SRGAP1: variants seen among roughly 807,000 people sequenced by gnomAD.
SRGAP1 encodes SLIT-ROBO Rho GTPase activating protein 1.
Under a neutral mutation model 121.9 loss-of-function variants are expected in SRGAP1, and 43 were observed. That is an observed-to-expected ratio of 0.35 (90% CI 0.28 to 0.46). The LOEUF (loss-of-function observed/expected upper bound fraction) is 0.46, where lower values mean the gene tolerates loss of function less well. Among genes scored for constraint, SRGAP1 ranks in the 20% least tolerant of loss-of-function variants. SRGAP1 has a pLI of 1.00. For synonymous variants in SRGAP1, 447 were observed against 485.4 expected (o/e 0.92, Z 1.04); for missense variants, 1,102 against 1,350.9 (o/e 0.82, Z 2.89).
intron 15 of SRGAP1, among the ~76,000 whole-genome samples, chr12:64,102,164 CTTTA>C (rs2036266668): frequency 6.6e-6 from 1 of 152,228 alleles, no homozygotes; most frequent in Non-Finnish European, 1.5e-5. Flanking sequence ...GTAGTCAATG[CTTTA>C]TTTATTAGGT....
At chr12:63,997,834 G>A (rs146758472) in intron 3 of SRGAP1, among the ~76,000 whole-genome samples, 7 of 152,210 alleles carry the variant, frequency 4.6e-5, no homozygotes, top group Non-Finnish European at 8.8e-5. Context: ...GGTTAAAATA[G>A]GAAGACATGA....
chr12:64,000,628 A>T (rs2033858852), intron 3 of SRGAP1, among the ~76,000 whole-genome samples: 2 of 152,080 alleles, frequency 1.3e-5, no homozygotes, highest in Admixed American at 6.6e-5. Context: ...ATCCAAAAAT[A>T]ATATGTTGAG....
At chr12:64,002,282 G>A (rs1317116898) in intron 3 of SRGAP1, among the ~76,000 whole-genome samples, 1 of 152,188 alleles carries the variant, frequency 6.6e-6, no homozygotes, top group African/African-American at 2.4e-5. Context: ...ACCAACAGAG[G>A]CCTACAACTA....
chr12:64,038,076 G>A (rs905719550), intron 4 of SRGAP1, among the ~76,000 whole-genome samples: 3 of 152,138 alleles, frequency 2.0e-5, no homozygotes, highest in Non-Finnish European at 2.9e-5. Flanking sequence ...TGTGCCAGCT[G>A]TGTGACCTTG....
rs115776249 is a variant in SRGAP1, at chr12:63,905,267, T to C, written c.67+60384T>C. 6.9e-3 allele frequency among the ~76,000 whole-genome samples: 1,052 copies of C among 152,308 alleles called. 6 individuals are homozygous for C. Among genetic ancestry groups the C allele is most frequent in the African/African-American group, 0.024 (995 of 41,570 alleles). ...TGTTCAGTTAAAAAACAAAATGTTA[T>C]GATCATTTATCAAAGTCTGCTTTGG... On this transcript the variant is annotated intron_variant, in intron 1 of 21. Transcript: ENST00000355086.
intron 16 of SRGAP1, among the ~76,000 whole-genome samples, chr12:64,110,286 C>T (rs1466387625): frequency 6.6e-6 from 1 of 152,172 alleles, no homozygotes; most frequent in Non-Finnish European, 1.5e-5. Flanking sequence ...CCACTGTGAA[C>T]TAATAATCCA....
intron 21 of SRGAP1, among the ~76,000 whole-genome samples, chr12:64,137,580 C>T (rs201691518): frequency 9.7e-4 from 147 of 152,172 alleles, no homozygotes; most frequent in Middle Eastern, 3.4e-3. Context: ...GGAGATTTTT[C>T]AAAAGACTAC....
chr12:64,016,391 G>A (rs902012995), intron 3 of SRGAP1, among the ~76,000 whole-genome samples: 1 of 152,136 alleles, frequency 6.6e-6, no homozygotes, highest in Non-Finnish European at 1.5e-5. Context: ...GGAGGCTGAG[G>A]TGGGAGGATT....
chr12:64,130,633 G>T (rs533880500), intron 21 of SRGAP1, among the ~76,000 whole-genome samples: 1 of 152,290 alleles, frequency 6.6e-6, no homozygotes, highest in East Asian at 1.9e-4. Context: ...CCACCATTCT[G>T]TCAATCCAGC....
At chr12:63,973,436 A>G (rs2033012629) in intron 1 of SRGAP1, among the ~76,000 whole-genome samples, 1 of 152,192 alleles carries the variant, frequency 6.6e-6, no homozygotes, top group Non-Finnish European at 1.5e-5. Context: ...CTTTGAACAA[A>G]ATACTTATGC....
At chr12:64,056,917 T>C (rs2035354672) in intron 6 of SRGAP1, among the ~76,000 whole-genome samples, 1 of 152,194 alleles carries the variant, frequency 6.6e-6, no homozygotes, top group Admixed American at 6.6e-5. Context: ...TAACTCTCCC[T>C]ATTCCTTTGA....
intron 1 of SRGAP1, among the ~76,000 whole-genome samples, chr12:63,866,664 TTA>T (rs1363204857): frequency 6.6e-6 from 1 of 152,010 alleles, no homozygotes. Context: ...TTTATAATAG[TTA>T]ATCTATTTAT....
chr12:63,974,432 T>A (rs1303031201), intron 1 of SRGAP1, among the ~76,000 whole-genome samples: 1 of 152,200 alleles, frequency 6.6e-6, no homozygotes, highest in African/African-American at 2.4e-5. Context: ...ACAGCCTCTA[T>A]GTGTCAGAAA....
At chr12:64,100,811 A>G in intron 15 of SRGAP1, among the ~76,000 whole-genome samples, 1 of 152,322 alleles carries the variant, frequency 6.6e-6, no homozygotes, top group East Asian at 1.9e-4. Flanking sequence ...CAATGTGACC[A>G]TAATGCATTT....
chr12:63,926,455 T>A (rs2031265166), intron 1 of SRGAP1, among the ~76,000 whole-genome samples: 4 of 152,178 alleles, frequency 2.6e-5, no homozygotes. Context: ...TCCAGCTGAA[T>A]TTAGACCAAC....
In SRGAP1 at chr12:64,043,057, A is replaced by G. The variant is rs78293181; in HGVS notation, c.672+85A>G. 3.9e-3 allele frequency: 3,407 copies of G among 878,746 alleles called. 87 individuals are homozygous for G. In the African/African-American group the frequency reaches 0.051, roughly 13 times the overall value. 54.4% of individuals were successfully genotyped at this position (878,746 alleles called of 1,614,324 possible). On this transcript the variant is annotated intron_variant, in intron 5 of 21. Coordinates refer to ENST00000355086, the MANE Select transcript of SRGAP1 (RefSeq NM_020762.4). Reference sequence around the variant, plus strand: ...CTGATGCAATAGCTGATATCCACACATTGTAAGTTATTGTGAAAAGACATG... The same window carrying G: ...CTGATGCAATAGCTGATATCCACACGTTGTAAGTTATTGTGAAAAGACATG...
At chr12:63,979,326 C>T (rs2033185490) in intron 1 of SRGAP1, among the ~76,000 whole-genome samples, 1 of 152,140 alleles carries the variant, frequency 6.6e-6, no homozygotes, top group Admixed American at 6.5e-5. Context: ...GCGTGAGCCA[C>T]CGCACCCAGC....
At chr12:63,859,581 T>C (rs911941641) in intron 1 of SRGAP1, among the ~76,000 whole-genome samples, 2 of 152,218 alleles carry the variant, frequency 1.3e-5, no homozygotes, top group African/African-American at 4.8e-5. Context: ...TTTTCTTAAG[T>C]TGAACACATA....
intron 1 of SRGAP1, among the ~76,000 whole-genome samples, chr12:63,896,244 C>A (rs1900750548): frequency 6.6e-6 from 1 of 152,074 alleles, no homozygotes; most frequent in African/African-American, 2.4e-5. Context: ...ATAAATTATT[C>A]TTGTTAATAA....
Sources: gnomAD v4.1 joint callset for allele counts (sites outside exome capture counted in the v4.1 genomes callset) on GRCh38, gnomAD v4.1.1 for gene constraint, MANE v1.5 for transcripts, NCBI Gene and HGNC (gene_info 2026-07-23, HGNC 2026-07-21) for gene names.